ADAM22: variants seen among roughly 807,000 people sequenced by gnomAD.
ADAM22 encodes the protein disintegrin and metalloproteinase domain-containing protein 22.
Under a neutral mutation model 144.6 loss-of-function variants are expected in ADAM22, and 65 were observed. That is an observed-to-expected ratio of 0.45 (90% CI 0.37 to 0.55). The LOEUF (loss-of-function observed/expected upper bound fraction) is 0.55, where lower values mean the gene tolerates loss of function less well. Ranked by LOEUF, ADAM22 falls within the 20% of genes least tolerant of loss-of-function variation. The pLI is 0.00. For synonymous variants in ADAM22, 391 were observed against 412.6 expected (o/e 0.95, Z 0.63); for missense variants, 974 against 1,184.9 (o/e 0.82, Z 2.61).
chr7:88,178,953 T>C lies in ADAM22; in HGVS notation c.2319T>C (p.Asp773=), dbSNP rs1846329553. ...YREQRQLPQG[D]YVKKPGDGDS... is the part of the protein sequence containing the mutation. Reference sequence around the variant, plus strand: ...GCCTTAGACAGTTACCCCAGGGAGATTATGTAAAAAAGCCTGGAGATGGTG... The same window carrying C: ...GCCTTAGACAGTTACCCCAGGGAGACTATGTAAAAAAGCCTGGAGATGGTG... Residue 773 remains aspartate (D), a synonymous_variant, in exon 27 of 32, where the codon GAT becomes GAC. Coordinates refer to ENST00000413139, the MANE Select transcript of ADAM22 (RefSeq NM_001324418.2). The C allele has an allele frequency of 1.2e-6, 2 of 1,611,190 alleles. No individual in the cohort carries two copies. Among genetic ancestry groups the C allele is most frequent in the Non-Finnish European group, 1.7e-6 (2 of 1,178,706 alleles).
At chr7:88,176,207 T>A (rs1424385209) in intron 26 of ADAM22, among the ~76,000 whole-genome samples, 1 of 152,182 alleles carries the variant, frequency 6.6e-6, no homozygotes, top group Non-Finnish European at 1.5e-5. Flanking sequence ...ATTCCTGACC[T>A]CGTGATCCGC....
intron 4 of ADAM22, among the ~76,000 whole-genome samples, chr7:88,079,862 C>T (rs1041406304): frequency 2.0e-5 from 3 of 152,134 alleles, no homozygotes; most frequent in African/African-American, 7.2e-5. Flanking sequence ...CCTGAGTGAC[C>T]TACAAAGAGA....
intron 4 of ADAM22, among the ~76,000 whole-genome samples, chr7:88,083,454 G>A (rs533669419): frequency 4.0e-5 from 6 of 151,834 alleles, no homozygotes; most frequent in South Asian, 2.1e-4. Flanking sequence ...AAACCTGCAC[G>A]TTGTTCCCAT....
At chr7:87,943,536 T>A (rs1734558496) in intron 2 of ADAM22, among the ~76,000 whole-genome samples, 2 of 152,202 alleles carry the variant, frequency 1.3e-5, no homozygotes, top group Non-Finnish European at 2.9e-5. Context: ...CTGTATTTTT[T>A]AAAATAGAAA....
intron 3 of ADAM22, among the ~76,000 whole-genome samples, chr7:88,024,940 C>A (rs550990220): frequency 9.9e-5 from 15 of 152,092 alleles, no homozygotes; most frequent in Middle Eastern, 3.2e-3. Flanking sequence ...TTTCCTTAAT[C>A]CAGTCTATCA....
At chr7:88,094,709 T>A (rs1820795787) in intron 4 of ADAM22, among the ~76,000 whole-genome samples, 3 of 152,232 alleles carry the variant, frequency 2.0e-5, no homozygotes, top group African/African-American at 4.8e-5. Flanking sequence ...GTATTCCACA[T>A]AGCAATTAGA....
At chr7:88,091,864 T>C (rs754100059) in intron 4 of ADAM22, among the ~76,000 whole-genome samples, 9 of 152,170 alleles carry the variant, frequency 5.9e-5, no homozygotes, top group Non-Finnish European at 1.2e-4. Context: ...TAGGCCAGAA[T>C]TGAAGATGTG....
At chr7:88,157,390 T>C (rs1840274767) in intron 22 of ADAM22, among the ~76,000 whole-genome samples, 1 of 152,304 alleles carries the variant, frequency 6.6e-6, no homozygotes, top group Middle Eastern at 3.4e-3. Flanking sequence ...TGGTTTAGGA[T>C]TTGGCAACAG....
chr7:88,028,767 G>A (rs1042125328), intron 3 of ADAM22, among the ~76,000 whole-genome samples: 2 of 151,606 alleles, frequency 1.3e-5, no homozygotes, highest in South Asian at 4.2e-4. Context: ...GACCTTCTTT[G>A]TCTCTTTTGT....
Position 87,966,721 on chromosome 7 carries a change from G to GTTTTTTTTTTT in ADAM22, c.247-11594_247-11584dup. 2.6e-3 allele frequency among the ~76,000 whole-genome samples: 102 copies of GTTTTTTTTTTT among 39,890 alleles called. 21 individuals carry two copies. The highest frequency in any genetic ancestry group is 4.0e-3 in the East Asian group (4 of 1,008). 26.2% of individuals were successfully genotyped at this position (39,890 alleles called of 152,430 possible). On this transcript the variant is annotated intron_variant, in intron 2 of 31. Transcript: ENST00000413139. ...GAGTTCATCTTATCCAAGGAAAGCC[G>GTTTTTTTTTTT]TTTTTTTTTTTTTTTTTTTTTTTTT... is the stretch of plus-strand genomic sequence containing the variant.
chr7:87,960,398 CTG>C (rs1307203856), intron 2 of ADAM22, among the ~76,000 whole-genome samples: 3 of 89,188 alleles, frequency 3.4e-5, no homozygotes, highest in Non-Finnish European at 2.5e-5. Context: ...GTGTGTGTGT[CTG>C]TGTGTGTGTG....
rs1797591618 is a variant in ADAM22 at position 88,020,490 on chromosome 7, T to C, written c.323+42078T>C. Among the ~76,000 whole-genome samples the C allele has an allele frequency of 2.0e-5, 3 of 152,208 alleles. No homozygotes were observed. In the South Asian group the frequency reaches 6.2e-4, roughly 31 times the overall value. ...GGATGGGTTTTGTGATTTGTACTTC[T>C]GGGCTTTCACTGGGAGAGCAGAGGC... On this transcript the variant is annotated intron_variant, in intron 3 of 31. Transcript: ENST00000413139.
chr7:88,159,104 C>A (rs1840830557), intron 22 of ADAM22, among the ~76,000 whole-genome samples: 1 of 152,022 alleles, frequency 6.6e-6, no homozygotes, highest in Non-Finnish European at 1.5e-5. Flanking sequence ...TACAAACAAT[C>A]ATCAGAGACT....
Position 88,131,285 on chromosome 7 carries a change from T to G in ADAM22, c.842T>G (p.Leu281Arg). 6.2e-7 allele frequency: 1 copy of G among 1,613,492 alleles called. No individual in the cohort carries two copies. The highest frequency in any genetic ancestry group is 8.5e-7 in the Non-Finnish European group (1 of 1,179,690). The change falls in exon 11 of 32, where the codon CTT (leucine) becomes CGT (arginine). Residue 281 changes from leucine to arginine, a missense_variant. Around this residue, in one of 2 missense-constraint regions of ADAM22, gnomAD observed 734 missense variants for 950.6 expected, o/e 0.77. Transcript: ENST00000413139. ...ATATACTAGATATATAAAGACCAAC[T>G]TAAGACCAGGATAGTATTGGTTGCT... ...NMADLIYKDQLKTRIVLVAME... is the reference protein window; with the variant it reads ...NMADLIYKDQRKTRIVLVAME...
In ADAM22 at chr7:88,165,870, C is replaced by G. The variant is rs751566872; in HGVS notation, c.2115C>G (p.His705Gln). 3 of 1,611,392 alleles carry G rather than the reference C, an allele frequency of 1.9e-6. No individual in the cohort carries two copies. The highest frequency in any genetic ancestry group is 2.5e-6 in the Non-Finnish European group (3 of 1,178,682). Residue 705 changes from histidine to glutamine, a missense_variant, in exon 24 of 32, where the codon CAC becomes CAG. Transcript: ENST00000413139. ...SNELKCVCNRHWIGSDCNTYF... is the reference protein window; with the variant it reads ...SNELKCVCNRQWIGSDCNTYF... ...AGCTGAAGTGTGTGTGTAACAGACACTGGATAGGTTCTGATTGCAACACTT... is the reference window on the plus strand; with the variant it reads ...AGCTGAAGTGTGTGTGTAACAGACAGTGGATAGGTTCTGATTGCAACACTT...
chr7:88,053,628 GAA>G lies in ADAM22; in HGVS notation c.324-21996_324-21995del, dbSNP rs1194276474. 2.7e-4 allele frequency among the ~76,000 whole-genome samples: 31 copies of G among 113,742 alleles called. No homozygotes were observed. In the East Asian group the frequency reaches 8.4e-3, roughly 31 times the overall value. 74.6% of individuals were successfully genotyped at this position (113,742 alleles called of 152,430 possible). On this transcript the variant is annotated intron_variant, in intron 3 of 31. Coordinates refer to ENST00000413139, the MANE Select transcript of ADAM22 (RefSeq NM_001324418.2). The stretch of plus-strand genomic sequence containing the variant: ...AGAAAGAAAGAAAGAAAGAAAGAAA[GAA>G]AGAAAGAAAGAAAGAAAGAAACCAA...
chr7:88,028,533 T>C (rs961188104), intron 3 of ADAM22, among the ~76,000 whole-genome samples: 1 of 152,158 alleles, frequency 6.6e-6, no homozygotes, highest in African/African-American at 2.4e-5. Context: ...GATGTTTCCT[T>C]GTTGATTTTC....
intron 14 of ADAM22, among the ~76,000 whole-genome samples, chr7:88,141,411 A>G (rs905777815): frequency 6.6e-6 from 1 of 152,224 alleles, no homozygotes; most frequent in Non-Finnish European, 1.5e-5. Flanking sequence ...GTAAATAATC[A>G]TTATAAATTC....
At chr7:88,119,882 A>G (rs77716669) in intron 7 of ADAM22, among the ~76,000 whole-genome samples, 14,060 of 152,290 alleles carry the variant, frequency 0.092, 1,433 homozygotes, top group African/African-American at 0.26. Flanking sequence ...ACGTTATTGT[A>G]CAAGTCTTTT....
Sources: allele counts gnomAD v4.1 joint callset (sites outside exome capture counted in the v4.1 genomes callset), GRCh38; gene constraint gnomAD v4.1.1; regional missense constraint gnomAD v4.1.1; transcripts MANE v1.5; gene names NCBI Gene and HGNC (gene_info 2026-07-23, HGNC 2026-07-21).